Variants in PPP2R5C observed in about 807,000 individuals in gnomAD.
The protein encoded by PPP2R5C is protein phosphatase 2 regulatory subunit B'gamma.
Under a neutral mutation model 68.9 loss-of-function variants are expected in PPP2R5C, and 7 were observed. That is an observed-to-expected ratio of 0.10 (90% CI 0.06 to 0.19). The LOEUF is 0.19. Ranked by LOEUF, PPP2R5C falls within the 10% of genes least tolerant of loss-of-function variation. PPP2R5C has a pLI of 1.00. For missense variants in PPP2R5C, 348 were observed against 641.3 expected (o/e 0.54, Z 4.94); for synonymous variants, 210 against 222.2 (o/e 0.95, Z 0.49).
At chr14:101,843,810 A>G in intron 1 of PPP2R5C, 1 of 223,930 alleles carries the variant, frequency 4.5e-6, no homozygotes, top group Non-Finnish European at 9.2e-6. Flanking sequence ...CTTTCCAGAT[A>G]TTCTGAAGAG....
At chr14:101,903,712 G>T (rs1225291058) in intron 9 of PPP2R5C, among the ~76,000 whole-genome samples, 2 of 149,578 alleles carry the variant, frequency 1.3e-5, no homozygotes, top group African/African-American at 4.9e-5. Flanking sequence ...GTCTCACTCT[G>T]TCCCTGAGGC....
At chr14:101,763,003 A>G (rs897170467) in intron 2 of PPP2R5C, 33 bp downstream of exon 2, 18 of 1,517,934 alleles carry the variant, frequency 1.2e-5, no homozygotes, top group Non-Finnish European at 1.6e-5. Context: ...TTTGTATTTT[A>G]TACACAGCTT....
intron 3 of PPP2R5C, among the ~76,000 whole-genome samples, chr14:101,804,077 C>T (rs2140152813): frequency 6.6e-6 from 1 of 152,318 alleles, no homozygotes; most frequent in South Asian, 2.1e-4. Context: ...TTTGAGTAGA[C>T]ATTTCTCAGA....
chr14:101,857,035 G>A lies in PPP2R5C; in HGVS notation c.294+150G>A. On this transcript the variant is annotated intron_variant, in intron 2 of 13. Transcript: ENST00000334743. ...TGCTTGAAGAATGAAAATTTTCTTT[G>A]TATCCTGGATTGTAATGATAATAAT... is the stretch of plus-strand genomic sequence containing the variant. 4 of 744,314 alleles carry A rather than the reference G, an allele frequency of 5.4e-6. No individual in the cohort carries two copies. The South Asian group carries it at 5.6e-5, about 10-fold the overall frequency. The allele number at this position is 744,314 out of a possible 1,614,324, so 46.1% of individuals were successfully genotyped here. A position where few individuals can be genotyped will look rare whatever the true frequency, so the allele number is the denominator to read the frequency against.
Position 101,906,624 on chromosome 14 carries a change from A to T in PPP2R5C, c.1151+95A>T. ...AAGAATAAATATCAGAATTTTAAATATCAATTAAAAAACAAGAAGGTCAGT... is the reference window on the plus strand; with the variant it reads ...AAGAATAAATATCAGAATTTTAAATTTCAATTAAAAAACAAGAAGGTCAGT... On this transcript the variant is annotated intron_variant, in intron 10 of 13. Transcript: ENST00000334743. The surrounding 1 kb of genome is among the most constrained non-coding windows in gnomAD (Gnocchi z 4.0). The T allele has an allele frequency of 1.4e-6, 2 of 1,421,794 alleles. No individual in the cohort carries two copies. Among genetic ancestry groups the T allele is most frequent in the Non-Finnish European group, 1.9e-6 (2 of 1,054,906 alleles). 88.1% of individuals were successfully genotyped at this position (1,421,794 alleles called of 1,614,324 possible). A position where few individuals can be genotyped will look rare whatever the true frequency, so the allele number is the denominator to read the frequency against.
intron 2 of PPP2R5C, among the ~76,000 whole-genome samples, chr14:101,858,656 A>T (rs953962829): frequency 6.6e-6 from 1 of 151,884 alleles, no homozygotes; most frequent in African/African-American, 2.4e-5. Flanking sequence ...CTTCCTTATT[A>T]TGTGTTCATT....
rs186141689 is a variant in PPP2R5C, at chr14:101,882,758, G to A, written c.405+487G>A. 76 of 161,918 alleles carry A rather than the reference G, an allele frequency of 4.7e-4. No homozygotes were observed. Among genetic ancestry groups the A allele is most frequent in the Admixed American group, 1.7e-3 (28 of 16,162 alleles). 10.0% of individuals were successfully genotyped at this position (161,918 alleles called of 1,614,324 possible). ...CATCCATCCGTGACAGGCGGCCCAC[G>A]CTGTCCCACCCAGCATGTCTGCACA... On this transcript the variant is annotated intron_variant, in intron 3 of 13. Transcript: ENST00000334743. The surrounding 1 kb of genome is among the most constrained non-coding windows in gnomAD (Gnocchi z 4.9).
exon 14 of PPP2R5C, chr14:101,927,574 A>G (rs1043968357): frequency 2.6e-5 from 4 of 152,640 alleles, no homozygotes; most frequent in African/African-American, 9.6e-5. Flanking sequence ...TACATCAGAA[A>G]TGTCACTATT....
At chr14:101,911,304 A>T (rs1165849284) in intron 11 of PPP2R5C, among the ~76,000 whole-genome samples, 2 of 152,128 alleles carry the variant, frequency 1.3e-5, no homozygotes. Context: ...TTTGGGGTTT[A>T]TATTCTGGGT....
Position 101,882,378 on chromosome 14 carries a change from C to T in PPP2R5C, c.405+107C>T. 1 of 721,690 alleles carries T rather than the reference C, an allele frequency of 1.4e-6. No homozygotes were observed. Among genetic ancestry groups the T allele is most frequent in the South Asian group, 2.1e-5 (1 of 46,788 alleles). The allele number at this position is 721,690 out of a possible 1,614,324, so 44.7% of individuals were successfully genotyped here. A position where few individuals can be genotyped will look rare whatever the true frequency, so the allele number is the denominator to read the frequency against. ...TCTGGCCAGATGGACCTCTCCTCCT[C>T]AGTAGCATGGGCCTCGTAAACCCAT... is the stretch of plus-strand genomic sequence containing the variant. On this transcript the variant is annotated intron_variant, in intron 3 of 13. Coordinates refer to ENST00000334743, the Ensembl canonical transcript of PPP2R5C. This position sits in a 1 kb window ranked among gnomAD's most constrained non-coding sequence, Gnocchi z 4.9.
At chr14:101,761,840 T>TGCGGGGGCAGGCGGCGGCAGGG, upstream of PPP2R5C, 1 of 989,326 alleles carries the variant, frequency 1.0e-6, no homozygotes, top group Non-Finnish European at 1.2e-6. Flanking sequence ...GCGCTGCTGC[T>TGCGGGGGCAGGCGGCGGCAGGG]GCGGGGGCAG....
At position 101,815,079 on chromosome 14, in the gene PPP2R5C, A is replaced by G. The variant is rs150592459; in HGVS notation, c.94+5043A>G. On this transcript the variant is annotated intron_variant, in intron 1 of 13. Coordinates refer to ENST00000334743, the Ensembl canonical transcript of PPP2R5C. ...TGCTAGGTCACAGCTGAAACCCTGT[A>G]CCTCTGTTCTCTCTCTGAATCTGCC... 1.9e-3 allele frequency among the ~76,000 whole-genome samples: 287 copies of G among 152,002 alleles called. 1 individual carries two copies. The highest frequency in any genetic ancestry group is 5.5e-3 in the African/African-American group (227 of 41,442).
chr14:101,912,555 G>GC lies in PPP2R5C; in HGVS notation c.1326+82_1326+83insC, dbSNP rs2078710989. On this transcript the variant is annotated intron_variant, in intron 12 of 13. Transcript: ENST00000334743. ...GATAGGAATATATGTCTTCACCATG[G>GC]GGGGGGTCTCGATTTCACTAACGTT... 2.8e-6 allele frequency: 4 copies of GC among 1,420,484 alleles called. No individual in the cohort carries two copies. The African/African-American group carries it at 4.4e-5, about 16-fold the overall frequency. 88.0% of individuals were successfully genotyped at this position (1,420,484 alleles called of 1,614,324 possible).
At chr14:101,837,842 T>C (rs936024023) in intron 1 of PPP2R5C, among the ~76,000 whole-genome samples, 1 of 152,236 alleles carries the variant, frequency 6.6e-6, no homozygotes, top group Non-Finnish European at 1.5e-5. Context: ...AAGGAGGTGC[T>C]GTCCTCATCC....
chr14:101,781,902 C>G lies in PPP2R5C; in HGVS notation c.94-4116C>G, dbSNP rs995155070. 6.6e-6 allele frequency among the ~76,000 whole-genome samples: 1 copy of G among 151,846 alleles called. No individual in the cohort carries two copies. Among genetic ancestry groups the G allele is most frequent in the Admixed American group, 6.5e-5 (1 of 15,268 alleles). ...CCGGAGCGGCACCCAGGAGCCCGCCCTAGCACCCGCTCCCGCTCCCACCTC... is the reference window on the plus strand; with the variant it reads ...CCGGAGCGGCACCCAGGAGCCCGCCGTAGCACCCGCTCCCGCTCCCACCTC... On this transcript the variant is annotated intron_variant, in intron 2 of 14. Coordinates refer to the PPP2R5C transcript ENST00000328724. The surrounding 1 kb of genome is among the most constrained non-coding windows in gnomAD (Gnocchi z 6.4).
chr14:101,804,285 G>A (rs897061503), intron 3 of PPP2R5C, among the ~76,000 whole-genome samples: 1 of 152,182 alleles, frequency 6.6e-6, no homozygotes, highest in African/African-American at 2.4e-5. Flanking sequence ...ATGTAAATTA[G>A]TACAACCACT....
chr14:101,795,983 C>T (rs976892272), intron 3 of PPP2R5C, among the ~76,000 whole-genome samples: 1 of 152,084 alleles, frequency 6.6e-6, no homozygotes, highest in African/African-American at 2.4e-5. Context: ...CCACCACGCA[C>T]AGCTAATTTT....
Position 101,799,156 on chromosome 14 carries a change from G to GCTTT in PPP2R5C, c.259+12974_259+12975insTTTC, listed in dbSNP as rs148625821. On this transcript the variant is annotated intron_variant, in intron 3 of 14. Coordinates refer to the PPP2R5C transcript ENST00000328724. ...GCCACAGACCGGGAGGGAAGAGGAA[G>GCTTT]CCTGCCTGGATGAGGGTGGTCTAAG... 9.9e-3 allele frequency among the ~76,000 whole-genome samples: 1,506 copies of GCTTT among 152,316 alleles called. 11 individuals carry two copies. The highest frequency in any genetic ancestry group is 0.016 in the Non-Finnish European group (1,063 of 68,026).
intron 2 of PPP2R5C, among the ~76,000 whole-genome samples, chr14:101,772,525 T>G (rs1352815569): frequency 6.6e-6 from 1 of 152,190 alleles, no homozygotes; most frequent in Non-Finnish European, 1.5e-5. Flanking sequence ...CTGGGTGCAG[T>G]GGCTCACGCC....
Sources: gnomAD v4.1 joint callset for allele counts (sites outside exome capture counted in the v4.1 genomes callset) on GRCh38, gnomAD v4.1.1 for gene constraint, Gnocchi (gnomAD v3.1) non-coding constraint, MANE v1.5 for transcripts, NCBI Gene and HGNC (gene_info 2026-07-23, HGNC 2026-07-21) for gene names.